The following CACHD1 variants were observed in gnomAD, a reference collection of about 807,000 sequenced individuals.
CACHD1 encodes cache domain containing 1, also known as VWFA and cache domain-containing protein 1.
A neutral mutation model predicts 138.7 loss-of-function variants in CACHD1; 71 were observed. That is an observed-to-expected ratio of 0.51 (90% CI 0.42 to 0.62). The LOEUF is 0.62. Among genes scored for constraint, CACHD1 ranks in the 20% least tolerant of loss-of-function variants. The probability of loss-of-function intolerance (pLI) is 0.00; values close to 1 mark genes in which losing one functional copy is unlikely to be tolerated. For missense variants in CACHD1, 1,389 were observed against 1,625.3 expected, an observed-to-expected ratio of 0.85 and a Z score of 2.50; for synonymous variants, 578 against 591.5, an observed-to-expected ratio of 0.98 and a Z score of 0.33.
Position 64,678,230 on chromosome 1 carries a change from C to A in CACHD1, c.3164C>A (p.Pro1055His), listed in dbSNP as rs1650057859. Residue 1055 changes from proline to histidine, a missense_variant, in exon 23 of 27, where the codon CCC (proline) becomes CAC (histidine). Physicochemically the swap from Pro to His is moderately conservative, Grantham distance 77 (BLOSUM62 -2). Around this residue, in one of 5 missense-constraint regions of CACHD1, gnomAD observed 250 missense variants for 292.9 expected, o/e 0.85. Coordinates refer to ENST00000651257, the MANE Select transcript of CACHD1 (RefSeq NM_020925.4). ...DSDGKTHLDKPYCAPQKECFG... is the reference protein window; with the variant it reads ...DSDGKTHLDKHYCAPQKECFG... Reference sequence around the variant, plus strand: ...GATGGAAAGACTCACCTGGACAAACCCTACTGTGCCCCCCAGAAAGAATGC... The same window carrying A: ...GATGGAAAGACTCACCTGGACAAACACTACTGTGCCCCCCAGAAAGAATGC... 1.2e-6 allele frequency: 2 copies of A among 1,611,810 alleles called. No individual in the cohort carries two copies. The highest frequency in any genetic ancestry group is 2.7e-5 in the African/African-American group (2 of 74,902).
intron 1 of CACHD1, among the ~76,000 whole-genome samples, chr1:64,540,054 G>A (rs533386364): frequency 6.6e-6 from 1 of 152,312 alleles, no homozygotes; most frequent in African/African-American, 2.4e-5. Flanking sequence ...GAAAGGACTT[G>A]ATTGATTGCG....
chr1:64,638,696 T>C (rs999749365), intron 7 of CACHD1, among the ~76,000 whole-genome samples: 3 of 152,164 alleles, frequency 2.0e-5, no homozygotes, highest in African/African-American at 7.2e-5. Context: ...CCTGGTGGCT[T>C]ATAGAGAGAC....
chr1:64,494,686 G>C (rs1210330975), intron 1 of CACHD1, among the ~76,000 whole-genome samples: 3 of 152,176 alleles, frequency 2.0e-5, no homozygotes, highest in Non-Finnish European at 4.4e-5. Context: ...TGCTTAAATT[G>C]CTAGGAAAGG....
chr1:64,605,461 T>TA (rs1208322686), intron 4 of CACHD1, among the ~76,000 whole-genome samples: 2 of 152,038 alleles, frequency 1.3e-5, no homozygotes, highest in African/African-American at 4.8e-5. Context: ...AGGGAAAAAA[T>TA]AAAAAAAGAA....
chr1:64,531,681 A>C (rs1646587473), intron 1 of CACHD1, among the ~76,000 whole-genome samples: 1 of 152,168 alleles, frequency 6.6e-6, no homozygotes, highest in Non-Finnish European at 1.5e-5. Context: ...ACTGATTCTC[A>C]GCTTATTAAC....
At chr1:64,570,884 GCTGTTA>G (rs1290262018) in intron 2 of CACHD1, among the ~76,000 whole-genome samples, 1 of 152,016 alleles carries the variant, frequency 6.6e-6, no homozygotes, top group East Asian at 1.9e-4. Context: ...GGGTGAGGGT[GCTGTTA>G]CTGTTGGCTT....
chr1:64,598,268 C>T (rs1203910959), intron 3 of CACHD1, among the ~76,000 whole-genome samples: 1 of 152,170 alleles, frequency 6.6e-6, no homozygotes, highest in African/African-American at 2.4e-5. Flanking sequence ...ATCTGACCGG[C>T]ACATCAGTGG....
intron 10 of CACHD1, among the ~76,000 whole-genome samples, chr1:64,652,756 A>G (rs149134622): frequency 0.013 from 2,032 of 152,312 alleles, 48 homozygotes; most frequent in African/African-American, 0.047. Context: ...GATGCTGGCA[A>G]GGTTGCAGAG....
intron 26 of CACHD1, among the ~76,000 whole-genome samples, chr1:64,690,974 T>C (rs1456185942): frequency 6.6e-6 from 1 of 152,160 alleles, no homozygotes; most frequent in Non-Finnish European, 1.5e-5. Flanking sequence ...AGGTCCCCAG[T>C]GGTGGCTCGC....
chr1:64,654,846 A>G (rs774820270), intron 12 of CACHD1, 43 bp downstream of exon 12: 12 of 1,394,756 alleles, frequency 8.6e-6, no homozygotes, highest in East Asian at 2.3e-5. Context: ...GCTACAGGGT[A>G]CAGTGCTCTT....
intron 13 of CACHD1, among the ~76,000 whole-genome samples, chr1:64,660,532 T>A (rs993848333): frequency 1.3e-4 from 20 of 152,018 alleles, no homozygotes; most frequent in Non-Finnish European, 2.2e-4. Flanking sequence ...TTTTTTTTTT[T>A]ATTTATTTTT....
chr1:64,527,082 A>T (rs1008783534), intron 1 of CACHD1, among the ~76,000 whole-genome samples: 1 of 152,206 alleles, frequency 6.6e-6, no homozygotes, highest in African/African-American at 2.4e-5. Context: ...TAAAGACAGC[A>T]TTGCTTTTTA....
At chr1:64,472,869 C>A (rs903332764) in intron 1 of CACHD1, among the ~76,000 whole-genome samples, 1 of 151,590 alleles carries the variant, frequency 6.6e-6, no homozygotes, top group Admixed American at 6.6e-5. Flanking sequence ...CGCCCCCCCA[C>A]GCCTTTTCCT....
chr1:64,638,498 C>G (rs966948268), intron 7 of CACHD1, among the ~76,000 whole-genome samples: 1 of 152,008 alleles, frequency 6.6e-6, no homozygotes, highest in Admixed American at 6.5e-5. Flanking sequence ...TTTTTTCAGT[C>G]TTATGGTAGA....
intron 23 of CACHD1, 92 bp downstream of exon 23, chr1:64,678,402 C>T: frequency 7.9e-7 from 1 of 1,265,490 alleles, no homozygotes; most frequent in Non-Finnish European, 1.1e-6. Context: ...CTCTTCCCAA[C>T]TTCCCTGATT....
At chr1:64,574,561 A>G (rs1646952905) in intron 2 of CACHD1, among the ~76,000 whole-genome samples, 1 of 152,180 alleles carries the variant, frequency 6.6e-6, no homozygotes, top group Non-Finnish European at 1.5e-5. Flanking sequence ...CTCCACGTAC[A>G]GAGAATGTTC....
At chr1:64,548,672 G>A (rs1382503041) in intron 1 of CACHD1, among the ~76,000 whole-genome samples, 1 of 152,158 alleles carries the variant, frequency 6.6e-6, no homozygotes. Context: ...AAATACATTG[G>A]TTGAGATCTG....
chr1:64,522,891 A>G (rs1031056540), intron 1 of CACHD1, among the ~76,000 whole-genome samples: 1 of 152,208 alleles, frequency 6.6e-6, no homozygotes, highest in Non-Finnish European at 1.5e-5. Context: ...GTGAAAGAAC[A>G]TTGCATCTTG....
chr1:64,638,359 TG>T (rs753796985), intron 7 of CACHD1, among the ~76,000 whole-genome samples: 33 of 152,254 alleles, frequency 2.2e-4, no homozygotes, highest in Non-Finnish European at 4.1e-4. Context: ...AGTCTGTACA[TG>T]AAAGTAAAGT....
Sources: allele counts gnomAD v4.1 joint callset (sites outside exome capture counted in the v4.1 genomes callset), GRCh38; gene constraint gnomAD v4.1.1; regional missense constraint gnomAD v4.1.1; transcripts MANE v1.5; gene names NCBI Gene and HGNC (gene_info 2026-07-23, HGNC 2026-07-21).